PCDHGB7: variants seen among roughly 807,000 people sequenced by gnomAD.
PCDHGB7 encodes protocadherin gamma subfamily B, 7.
PCDHGB7 carries 37 observed loss-of-function variants against 61.4 expected under a neutral mutation model. The observed-to-expected ratio is 0.60, with a 90% confidence interval of 0.46 to 0.79. PCDHGB7 has a LOEUF of 0.79. PCDHGB7 is among the 30% of genes least tolerant of loss of function. The pLI is 0.00. For synonymous variants in PCDHGB7, 464 were observed against 503.5 expected (o/e 0.92, Z 1.05); for missense variants, 1,166 against 1,202.5 (o/e 0.97, Z 0.45).
In PCDHGB7 at chr5:141,432,171, T is replaced by C. The variant is rs114326665; in HGVS notation, c.2415+11897T>C. On this transcript the variant is annotated intron_variant, in intron 1 of 3. Coordinates refer to ENST00000398594, the MANE Select transcript of PCDHGB7 (RefSeq NM_018927.4). This position sits in a 1 kb window ranked among gnomAD's most constrained non-coding sequence, Gnocchi z 6.0. ...GAGAACAATCCCAGAGGAGTTTCCC[T>C]CGTCTCTGTGACCGCCCACGACCCC... The C allele has an allele frequency of 4.4e-5, 71 of 1,614,046 alleles. No individual in the cohort carries two copies. In the African/African-American group the frequency reaches 8.5e-4, roughly 19 times the overall value.
chr5:141,489,148 C>G lies in PCDHGB7; in HGVS notation c.2416-5659C>G. 1 of 895,318 alleles carries G rather than the reference C, an allele frequency of 1.1e-6. No individual in the cohort carries two copies. Among genetic ancestry groups the G allele is most frequent in the Non-Finnish European group, 1.7e-6 (1 of 589,254 alleles). The allele number at this position is 895,318 out of a possible 1,614,324, so 55.5% of individuals were successfully genotyped here. A position where few individuals can be genotyped will look rare whatever the true frequency, so the allele number is the denominator to read the frequency against. ...CAGTTTTTAAGAGGCTGGAAGGAGA[C>G]ATAAGAGACTTCAGCTGCTGCATTC... On this transcript the variant is annotated intron_variant, in intron 1 of 3. Transcript: ENST00000398594. This position sits in a 1 kb window ranked among gnomAD's most constrained non-coding sequence, Gnocchi z 4.5.
Position 141,485,418 on chromosome 5 carries a change from G to A in PCDHGB7, c.2416-9389G>A. ...CACTTCCGTGTGGATTTGGACAGCG[G>A]AGCCCTGCTCATCAAGAACCCAATC... On this transcript the variant is annotated intron_variant, in intron 1 of 3. Transcript: ENST00000398594. This position sits in a 1 kb window ranked among gnomAD's most constrained non-coding sequence, Gnocchi z 5.7. 6.2e-7 allele frequency: 1 copy of A among 1,614,174 alleles called. No homozygotes were observed. The highest frequency in any genetic ancestry group is 8.5e-7 in the Non-Finnish European group (1 of 1,180,042).
At chr5:141,497,503 C>CTGCTTCCT (rs1042765123) in intron 2 of PCDHGB7, among the ~76,000 whole-genome samples, 57 of 151,054 alleles carry the variant, frequency 3.8e-4, no homozygotes, top group African/African-American at 1.4e-3. Flanking sequence ...TCTCCTCTCT[C>CTGCTTCCT]TGCTTCCTTA....
chr5:141,459,862 C>T (rs931723906), intron 1 of PCDHGB7, among the ~76,000 whole-genome samples: 3 of 152,158 alleles, frequency 2.0e-5, no homozygotes, highest in East Asian at 1.9e-4. Context: ...TTGAAGCATT[C>T]GTTCATCTTT....
Position 141,498,864 on chromosome 5 carries a change from C to T in PCDHGB7, c.2474+3999C>T, listed in dbSNP as rs1370263013. Among the ~76,000 whole-genome samples the T allele has an allele frequency of 2.7e-5, 4 of 149,532 alleles. No homozygotes were observed. The East Asian group carries it at 5.9e-4, about 22-fold the overall frequency. ...AGGGGAATCGCTTGAACCCAGGAGG[C>T]GGAGGTTGCAGTGAGCTGAGATCAC... On this transcript the variant is annotated intron_variant, in intron 2 of 3. Coordinates refer to ENST00000398594, the MANE Select transcript of PCDHGB7 (RefSeq NM_018927.4).
intron 1 of PCDHGB7, among the ~76,000 whole-genome samples, chr5:141,430,247 G>T (rs1003479541): frequency 9.7e-6 from 1 of 102,928 alleles, no homozygotes; most frequent in Non-Finnish European, 1.8e-5. Flanking sequence ...AACTCCTAGG[G>T]AGACATCTCC....
rs767577725 is a variant in PCDHGB7 at position 141,485,642 on chromosome 5, G to T, written c.2416-9165G>T. 4.3e-6 allele frequency: 7 copies of T among 1,612,162 alleles called. No homozygotes were observed. The highest frequency in any genetic ancestry group is 1.7e-5 in the Admixed American group (1 of 59,938). ...AGGACAGCGTTTCCCGTTGGAAAAGGCTCAGGATGCAGATGTGGGGAGCAA... is the reference window on the plus strand; with the variant it reads ...AGGACAGCGTTTCCCGTTGGAAAAGTCTCAGGATGCAGATGTGGGGAGCAA... On this transcript the variant is annotated intron_variant, in intron 1 of 3. Coordinates refer to ENST00000398594, the MANE Select transcript of PCDHGB7 (RefSeq NM_018927.4). This position sits in a 1 kb window ranked among gnomAD's most constrained non-coding sequence, Gnocchi z 5.7.
chr5:141,508,647 C>T (rs1301017914), intron 3 of PCDHGB7, among the ~76,000 whole-genome samples: 4 of 152,090 alleles, frequency 2.6e-5, no homozygotes, highest in African/African-American at 9.7e-5. Flanking sequence ...CTCCGTCAGG[C>T]CCTTCCTGTC....
intron 2 of PCDHGB7, among the ~76,000 whole-genome samples, chr5:141,497,076 C>T (rs1052240279): frequency 5.9e-5 from 9 of 151,826 alleles, no homozygotes; most frequent in Non-Finnish European, 8.8e-5. Context: ...GTAATCCCAG[C>T]GACTTAGGAG....
In PCDHGB7 at chr5:141,485,896, C is replaced by T; in HGVS notation, c.2416-8911C>T. On this transcript the variant is annotated intron_variant, in intron 1 of 3. Coordinates refer to ENST00000398594, the MANE Select transcript of PCDHGB7 (RefSeq NM_018927.4). The surrounding 1 kb of genome is among the most constrained non-coding windows in gnomAD (Gnocchi z 5.7). ...TGGACGTAAACGACAACGCCCCAGC[C>T]TTCCAGCAATCCAGCTACAGGATTA... 6.2e-7 allele frequency: 1 copy of T among 1,614,190 alleles called. No individual in the cohort carries two copies. The highest frequency in any genetic ancestry group is 8.5e-7 in the Non-Finnish European group (1 of 1,180,042).
At chr5:141,478,675 G>T in intron 1 of PCDHGB7, 1 of 1,551,574 alleles carries the variant, frequency 6.4e-7, no homozygotes, top group Non-Finnish European at 8.7e-7. Flanking sequence ...ACTTTCAACT[G>T]GCCCTTCCTA....
chr5:141,450,183 A>G (rs1461369835), intron 1 of PCDHGB7, among the ~76,000 whole-genome samples: 1 of 151,558 alleles, frequency 6.6e-6, no homozygotes, highest in Non-Finnish European at 1.5e-5. Context: ...ACACCCAGCT[A>G]ATTTTTGTAT....
chr5:141,477,169 G>A lies in PCDHGB7; in HGVS notation c.2416-17638G>A. 6.2e-7 allele frequency: 1 copy of A among 1,614,198 alleles called. No individual in the cohort carries two copies. The highest frequency in any genetic ancestry group is 8.5e-7 in the Non-Finnish European group (1 of 1,180,042). The stretch of plus-strand genomic sequence containing the variant: ...TGGATGTGAATGACAACGCCCCGGA[G>A]ATCACAGTCACCTCCGTGTACAGCC... On this transcript the variant is annotated intron_variant, in intron 1 of 3. Transcript: ENST00000398594. The surrounding 1 kb of genome is among the most constrained non-coding windows in gnomAD (Gnocchi z 4.9).
chr5:141,429,232 G>T (rs938585192), intron 1 of PCDHGB7: 2 of 151,668 alleles, frequency 1.3e-5, no homozygotes, highest in Non-Finnish European at 2.9e-5. Flanking sequence ...TTATGATACT[G>T]CTGTCATTGA....
intron 1 of PCDHGB7, among the ~76,000 whole-genome samples, chr5:141,481,790 A>C (rs2154579313): frequency 6.6e-6 from 1 of 152,222 alleles, no homozygotes; most frequent in East Asian, 1.9e-4. Flanking sequence ...CGTCTCTACT[A>C]AAAATACAAA....
chr5:141,448,496 G>A (rs1277705943), intron 1 of PCDHGB7, among the ~76,000 whole-genome samples: 1 of 152,024 alleles, frequency 6.6e-6, no homozygotes, highest in Non-Finnish European at 1.5e-5. Flanking sequence ...GTCCCCTGTA[G>A]GTAAACATTT....
intron 1 of PCDHGB7, chr5:141,441,550 G>C (rs2098254247): frequency 5.4e-6 from 1 of 184,034 alleles, no homozygotes; most frequent in Non-Finnish European, 1.1e-5. Context: ...AGCCTCCATA[G>C]TGTGCAAGTA....
chr5:141,507,937 A>T (rs2154594220), intron 3 of PCDHGB7: 1 of 152,420 alleles, frequency 6.6e-6, no homozygotes, highest in Admixed American at 6.5e-5. Context: ...AGAGGGGTTA[A>T]GTAAGAGGGA....
intron 3 of PCDHGB7, among the ~76,000 whole-genome samples, chr5:141,508,954 C>A (rs2154594435): frequency 6.6e-6 from 1 of 152,170 alleles, no homozygotes; most frequent in Admixed American, 6.5e-5. Context: ...AGAGAAATGT[C>A]AGCGGAATGA....
Sources: gnomAD v4.1 joint callset for allele counts (sites outside exome capture counted in the v4.1 genomes callset) on GRCh38, gnomAD v4.1.1 for gene constraint, Gnocchi (gnomAD v3.1) non-coding constraint, MANE v1.5 for transcripts, NCBI Gene and HGNC (gene_info 2026-07-23, HGNC 2026-07-21) for gene names.